THRB: variants seen among roughly 807,000 people sequenced by gnomAD.
THRB encodes thyroid hormone receptor beta, also known as nuclear receptor subfamily 1 group A member 2.
THRB carries 12 observed loss-of-function variants against 47.8 expected under a neutral mutation model. That is an observed-to-expected ratio of 0.25 (90% CI 0.16 to 0.41). THRB has a LOEUF of 0.41. Among genes scored for constraint, THRB ranks in the 10% least tolerant of loss-of-function variants. The pLI is 1.00. For missense variants in THRB, 348 were observed against 589.2 expected (o/e 0.59, Z 4.24); for synonymous variants, 218 against 212.2 (o/e 1.03, Z -0.24).
At chr3:24,224,867 T>C (rs1032639385) in intron 4 of THRB, among the ~76,000 whole-genome samples, 17 of 152,216 alleles carry the variant, frequency 1.1e-4, no homozygotes, top group African/African-American at 2.7e-4. Flanking sequence ...TCTAGGGAGA[T>C]GACGTGACTT....
At chr3:24,277,255 G>A (rs1477200923) in intron 3 of THRB, among the ~76,000 whole-genome samples, 10 of 152,142 alleles carry the variant, frequency 6.6e-5, no homozygotes, top group Admixed American at 6.6e-4. Flanking sequence ...ACTGAGGAGC[G>A]GGTGCCACGG....
intron 1 of THRB, chr3:24,348,528 G>C (rs1178347021): frequency 1.3e-5 from 2 of 151,974 alleles, no homozygotes; most frequent in East Asian, 3.9e-4. Context: ...CACTCTCTTC[G>C]CTCCCCAGTT....
chr3:24,127,871 G>A, intron 9 of THRB, 114 bp from the exon 10 acceptor site: 2 of 1,224,048 alleles, frequency 1.6e-6, no homozygotes, highest in Non-Finnish European at 2.4e-6. Context: ...CATTTGTCCT[G>A]CATTCTTTGA....
intron 1 of THRB, among the ~76,000 whole-genome samples, chr3:24,472,560 A>G (rs758212526): frequency 3.0e-4 from 45 of 152,336 alleles, no homozygotes; most frequent in Non-Finnish European, 5.0e-4. Context: ...ATCTTGGAAA[A>G]GTCAAGTCCT....
chr3:24,217,927 G>A (rs1003341916), intron 4 of THRB, among the ~76,000 whole-genome samples: 16 of 152,252 alleles, frequency 1.1e-4, no homozygotes, highest in African/African-American at 3.6e-4. Context: ...CCTTTTGCCC[G>A]AATTGTTTGC....
chr3:24,425,410 G>T (rs1458319238), intron 1 of THRB, among the ~76,000 whole-genome samples: 2 of 151,276 alleles, frequency 1.3e-5, no homozygotes, highest in Admixed American at 6.6e-5. Context: ...CTCATTATTT[G>T]TCCATTTTTA....
intron 1 of THRB, among the ~76,000 whole-genome samples, chr3:24,468,938 A>G (rs1462531902): frequency 6.6e-6 from 1 of 152,192 alleles, no homozygotes; most frequent in Admixed American, 6.5e-5. Context: ...TGAGGCACAT[A>G]GATCTTAATT....
At chr3:24,418,848 T>C (rs1306911090) in intron 1 of THRB, among the ~76,000 whole-genome samples, 2 of 151,978 alleles carry the variant, frequency 1.3e-5, no homozygotes, top group Non-Finnish European at 2.9e-5. Context: ...TACATTTTTT[T>C]CCTCATAGGT....
chr3:24,459,209 G>A (rs1169320789), intron 1 of THRB: 2 of 152,062 alleles, frequency 1.3e-5, no homozygotes, highest in Non-Finnish European at 2.9e-5. Context: ...GTGGTGTTTG[G>A]TTTTCTGTTC....
chr3:24,209,594 A>G (rs2045794919), intron 4 of THRB, among the ~76,000 whole-genome samples: 1 of 152,160 alleles, frequency 6.6e-6, no homozygotes, highest in Non-Finnish European at 1.5e-5. Flanking sequence ...CAAACACCCC[A>G]TGTTCTCACT....
At chr3:24,169,010 G>T (rs923441705) in intron 5 of THRB, among the ~76,000 whole-genome samples, 1 of 152,060 alleles carries the variant, frequency 6.6e-6, no homozygotes, top group Non-Finnish European at 1.5e-5. Flanking sequence ...CTTAGGAAGG[G>T]TGCTATCAAC....
chr3:24,416,308 A>T (rs186018589), intron 1 of THRB, among the ~76,000 whole-genome samples: 1 of 151,948 alleles, frequency 6.6e-6, no homozygotes, highest in African/African-American at 2.4e-5. Flanking sequence ...AATAGAATAC[A>T]GTAGCCAGTA....
chr3:24,134,426 T>G (rs1029572413), intron 8 of THRB, among the ~76,000 whole-genome samples: 2 of 152,188 alleles, frequency 1.3e-5, no homozygotes, highest in African/African-American at 4.8e-5. Context: ...CACCATTTAT[T>G]TGTGGCCTAC....
At chr3:24,247,357 AG>A (rs2050205957) in intron 3 of THRB, among the ~76,000 whole-genome samples, 1 of 152,198 alleles carries the variant, frequency 6.6e-6, no homozygotes. Flanking sequence ...GATAAGTTCT[AG>A]GGAACCTGCT....
At chr3:24,123,176 G>T (rs1253265779) in intron 10 of THRB, 51 bp from the exon 11 acceptor site, 3 of 1,610,872 alleles carry the variant, frequency 1.9e-6, no homozygotes, top group African/African-American at 2.7e-5. Flanking sequence ...AAGGGGGAAG[G>T]CTTGCTTTGT....
chr3:24,289,365 CAT>C (rs1000188676), intron 3 of THRB, among the ~76,000 whole-genome samples: 8 of 152,246 alleles, frequency 5.3e-5, no homozygotes, highest in South Asian at 2.1e-4. Flanking sequence ...TAGGTTAAAA[CAT>C]AAAAAATTGC....
rs10652016 is a variant in THRB, at chr3:24,133,695, A to AAGAGAGAGAG, written c.739-243_739-234dup. Among the ~76,000 whole-genome samples, 434 of 150,362 alleles carry AAGAGAGAGAG rather than the reference A, an allele frequency of 2.9e-3. 10 individuals carry two copies. The South Asian group carries it at 0.043, about 15-fold the overall frequency. On this transcript the variant is annotated intron_variant, in intron 8 of 10. Transcript: ENST00000646209. ...ATGTTTACAGGACTGTTGCTGCAGA[A>AAGAGAGAGAG]AGAGAGAGAGAGAGAGAGAGAGAGA...
intron 1 of THRB, among the ~76,000 whole-genome samples, chr3:24,361,830 A>G (rs2064092150): frequency 6.6e-6 from 1 of 152,090 alleles, no homozygotes; most frequent in Non-Finnish European, 1.5e-5. Flanking sequence ...GAAATATACC[A>G]CATGTTGAAT....
chr3:24,343,700 A>G lies in THRB; in HGVS notation c.-260-6329T>C, dbSNP rs79762972. ...TTCTTTACTACTGAATCCAACCACA[A>G]TCTCCAAATCCTTCTCAAATAGCAC... On this transcript the variant is annotated intron_variant, in intron 1 of 10. Coordinates refer to ENST00000646209, the MANE Select transcript of THRB (RefSeq NM_001354712.2). 3.9e-3 allele frequency among the ~76,000 whole-genome samples: 595 copies of G among 152,080 alleles called. 2 individuals are homozygous for G. Among genetic ancestry groups the G allele is most frequent in the African/African-American group, 0.014 (565 of 41,502 alleles).
Sources: allele counts gnomAD v4.1 joint callset (sites outside exome capture counted in the v4.1 genomes callset), GRCh38; gene constraint gnomAD v4.1.1; transcripts MANE v1.5; gene names NCBI Gene and HGNC (gene_info 2026-07-23, HGNC 2026-07-21).